The following CLSTN2 variants were observed in gnomAD, a reference collection of about 807,000 sequenced individuals.
The protein encoded by CLSTN2 is calsyntenin 2, also known as calsyntenin-2.
CLSTN2 carries 48 observed loss-of-function variants against 101.2 expected under a neutral mutation model. That is an observed-to-expected ratio of 0.47 (90% confidence interval 0.38 to 0.60). The LOEUF (loss-of-function observed/expected upper bound fraction) is 0.60, where lower values mean the gene tolerates loss of function less well. Among genes scored for constraint, CLSTN2 ranks in the 20% least tolerant of loss-of-function variants. The pLI is 0.00. For missense variants in CLSTN2, 1,160 were observed against 1,238.2 expected (o/e 0.94, Z 0.95); for synonymous variants, 481 against 463.6 (o/e 1.04, Z -0.48).
intron 2 of CLSTN2, among the ~76,000 whole-genome samples, chr3:140,331,301 C>A (rs1462781018): frequency 6.6e-6 from 1 of 152,186 alleles, no homozygotes; most frequent in Non-Finnish European, 1.5e-5. Context: ...TCTACCTGGG[C>A]TGGCAGCTGA....
At chr3:140,536,833 A>G (rs2107781865) in intron 9 of CLSTN2, among the ~76,000 whole-genome samples, 1 of 152,304 alleles carries the variant, frequency 6.6e-6, no homozygotes, top group Non-Finnish European at 1.5e-5. Context: ...TTATCACTGG[A>G]ATGTACGTGA....
At chr3:140,504,259 T>TGTCA (rs1275269280) in intron 8 of CLSTN2, among the ~76,000 whole-genome samples, 1 of 152,176 alleles carries the variant, frequency 6.6e-6, no homozygotes, top group Non-Finnish European at 1.5e-5. Context: ...GAGCCTTTAT[T>TGTCA]GTCATTAACA....
intron 1 of CLSTN2, among the ~76,000 whole-genome samples, chr3:139,957,287 C>G (rs577572023): frequency 1.3e-5 from 2 of 152,250 alleles, no homozygotes; most frequent in East Asian, 1.9e-4. Flanking sequence ...GCACCACTTA[C>G]TCTCCCAGCA....
At chr3:140,483,873 G>A (rs1219180728) in intron 8 of CLSTN2, among the ~76,000 whole-genome samples, 2 of 152,118 alleles carry the variant, frequency 1.3e-5, no homozygotes, top group African/African-American at 2.4e-5. Context: ...CATGAGATGG[G>A]TTTCCTGAAT....
At chr3:140,210,741 G>A (rs1202495237) in intron 2 of CLSTN2, among the ~76,000 whole-genome samples, 1 of 151,918 alleles carries the variant, frequency 6.6e-6, no homozygotes, top group Non-Finnish European at 1.5e-5. Context: ...GATCTTGGTG[G>A]ACCCTGTTCA....
rs1935984394 is a variant in CLSTN2 at position 140,564,151 on chromosome 3, C to T, written c.2667+6C>T. On this transcript the variant is annotated splice_donor_region_variant and intron_variant, in intron 16 of 16. Coordinates refer to ENST00000458420, the MANE Select transcript of CLSTN2 (RefSeq NM_022131.3). ...TCACAGTCAACCCCATGGAGGTGATCCTCATGCACGGCTGGGAGTTCTGGG... is the reference window on the plus strand; with the variant it reads ...TCACAGTCAACCCCATGGAGGTGATTCTCATGCACGGCTGGGAGTTCTGGG... 1.2e-6 allele frequency: 2 copies of T among 1,612,766 alleles called. No homozygotes were observed. Among genetic ancestry groups the T allele is most frequent in the South Asian group, 2.2e-5 (2 of 91,000 alleles).
At chr3:140,409,762 C>T (rs1278929636) in intron 4 of CLSTN2, among the ~76,000 whole-genome samples, 5 of 152,026 alleles carry the variant, frequency 3.3e-5, no homozygotes, top group African/African-American at 1.2e-4. Context: ...TCTAAAGAAA[C>T]TCAGTGATCT....
chr3:140,384,867 A>T (rs965284343), intron 2 of CLSTN2, among the ~76,000 whole-genome samples: 11 of 152,194 alleles, frequency 7.2e-5, no homozygotes, highest in African/African-American at 2.4e-4. Flanking sequence ...TCCCCACATG[A>T]ACATTTGGGA....
At chr3:140,347,402 C>A (rs1211016647) in intron 2 of CLSTN2, among the ~76,000 whole-genome samples, 3 of 152,202 alleles carry the variant, frequency 2.0e-5, no homozygotes, top group Non-Finnish European at 4.4e-5. Flanking sequence ...TGCTCCAGAG[C>A]CCACCATACT....
intron 5 of CLSTN2, among the ~76,000 whole-genome samples, chr3:140,437,591 A>C (rs1167737565): frequency 3.3e-5 from 5 of 152,286 alleles, no homozygotes; most frequent in African/African-American, 1.2e-4. Context: ...TGGGGCTCAC[A>C]CTTGCCAACG....
At chr3:140,352,542 T>A (rs2107943542) in intron 2 of CLSTN2, among the ~76,000 whole-genome samples, 1 of 152,352 alleles carries the variant, frequency 6.6e-6, no homozygotes, top group African/African-American at 2.4e-5. Flanking sequence ...ACAGTAAATG[T>A]ACGTTACAGT....
intron 2 of CLSTN2, among the ~76,000 whole-genome samples, chr3:140,364,070 C>T (rs1021044465): frequency 1.3e-5 from 2 of 152,196 alleles, no homozygotes; most frequent in African/African-American, 4.8e-5. Flanking sequence ...CATTGCTGTA[C>T]TGTTTTCTAA....
chr3:140,469,005 T>C (rs1933773229), intron 8 of CLSTN2, among the ~76,000 whole-genome samples: 1 of 152,200 alleles, frequency 6.6e-6, no homozygotes, highest in Non-Finnish European at 1.5e-5. Flanking sequence ...TTGGTTCCTG[T>C]TAAGAGATCT....
At chr3:140,446,388 T>C (rs1933078249) in intron 5 of CLSTN2, among the ~76,000 whole-genome samples, 1 of 152,140 alleles carries the variant, frequency 6.6e-6, no homozygotes, top group Non-Finnish European at 1.5e-5. Context: ...CTCACATCCG[T>C]AATGTGCACC....
intron 1 of CLSTN2, among the ~76,000 whole-genome samples, chr3:140,118,222 C>T (rs2009278659): frequency 6.6e-6 from 1 of 152,018 alleles, no homozygotes; most frequent in African/African-American, 2.4e-5. Context: ...TGCTCTTGGA[C>T]TTGTAGCTTC....
At chr3:140,497,602 AAC>A (rs1314341738) in intron 8 of CLSTN2, among the ~76,000 whole-genome samples, 2 of 152,126 alleles carry the variant, frequency 1.3e-5, no homozygotes, top group Non-Finnish European at 2.9e-5. Context: ...AGTGGGTCCT[AAC>A]TTGTGAGGTG....
At chr3:139,983,201 C>T (rs184525907) in intron 1 of CLSTN2, among the ~76,000 whole-genome samples, 22 of 151,840 alleles carry the variant, frequency 1.4e-4, no homozygotes, top group Middle Eastern at 3.4e-3. Flanking sequence ...TTTCGATTGG[C>T]GAAATTTGAT....
intron 1 of CLSTN2, among the ~76,000 whole-genome samples, chr3:139,936,848 T>C (rs1935031284): frequency 6.8e-6 from 1 of 147,540 alleles, no homozygotes; most frequent in Non-Finnish European, 1.5e-5. Context: ...GCAGGCATTC[T>C]GTTTCTTTTC....
intron 2 of CLSTN2, among the ~76,000 whole-genome samples, chr3:140,390,468 T>G (rs2088100680): frequency 6.6e-6 from 1 of 152,242 alleles, no homozygotes; most frequent in African/African-American, 2.4e-5. Context: ...GAGAATATAT[T>G]CTGCATATTT....
Sources: allele counts gnomAD v4.1 joint callset (sites outside exome capture counted in the v4.1 genomes callset), GRCh38; gene constraint gnomAD v4.1.1; transcripts MANE v1.5; gene names NCBI Gene and HGNC (gene_info 2026-07-23, HGNC 2026-07-21).